The following SLC44A5 variants were observed in gnomAD, a reference collection of about 807,000 sequenced individuals.
SLC44A5 encodes choline transporter-like protein 5.
Under a neutral mutation model 101.8 loss-of-function variants are expected in SLC44A5, and 57 were observed. That is an observed-to-expected ratio of 0.56 (90% CI 0.45 to 0.70). The LOEUF is 0.70. Among genes scored for constraint, SLC44A5 ranks in the 30% least tolerant of loss-of-function variants. The probability of loss-of-function intolerance (pLI) is 0.00; values close to 1 mark genes in which losing one functional copy is unlikely to be tolerated. For missense variants in SLC44A5, 737 were observed against 853.1 expected (o/e 0.86, Z 1.70); for synonymous variants, 281 against 290.9 (o/e 0.97, Z 0.35).
chr1:75,652,241 T>G, the SLC44A5 span, among the ~76,000 whole-genome samples: 25 of 152,196 alleles, frequency 1.6e-4, no homozygotes, highest in African/African-American at 5.1e-4. Flanking sequence ...TGGAAGATCC[T>G]GGATGTACAC....
chr1:75,451,742 G>T (rs996845652), intron 2 of SLC44A5, among the ~76,000 whole-genome samples: 2 of 151,894 alleles, frequency 1.3e-5, no homozygotes, highest in Non-Finnish European at 2.9e-5. Flanking sequence ...CCAAGAAAAA[G>T]AAATAATTAT....
intron 1 of SLC44A5, among the ~76,000 whole-genome samples, chr1:75,609,298 T>C (rs1196342479): frequency 6.6e-6 from 1 of 151,706 alleles, no homozygotes; most frequent in Non-Finnish European, 1.5e-5. Context: ...GGGTTTCATT[T>C]CTTTGGGTTT....
chr1:75,405,166 A>T (rs552318113), intron 2 of SLC44A5, among the ~76,000 whole-genome samples: 14 of 152,326 alleles, frequency 9.2e-5, no homozygotes, highest in Non-Finnish European at 1.8e-4. Context: ...ATATATATGC[A>T]CCCAATACAG....
chr1:75,645,197 G>C, the SLC44A5 span, among the ~76,000 whole-genome samples: 1 of 152,082 alleles, frequency 6.6e-6, no homozygotes, highest in Non-Finnish European at 1.5e-5. Flanking sequence ...CTGAGGAATC[G>C]CCACACTGTC....
At chr1:75,586,918 A>T (rs1219097008) in intron 1 of SLC44A5, among the ~76,000 whole-genome samples, 1 of 140,266 alleles carries the variant, frequency 7.1e-6, no homozygotes, top group Non-Finnish European at 1.6e-5. Flanking sequence ...TTTTTTTTTT[A>T]AGTCTTATGA....
intron 3 of SLC44A5, among the ~76,000 whole-genome samples, chr1:75,363,215 A>G (rs1019571393): frequency 1.6e-4 from 25 of 152,012 alleles, no homozygotes; most frequent in African/African-American, 6.0e-4. Context: ...AGTCTCTTGT[A>G]GGCAGTATAG....
At chr1:75,692,453 C>T in the SLC44A5 span, among the ~76,000 whole-genome samples, 1 of 152,074 alleles carries the variant, frequency 6.6e-6, no homozygotes, top group East Asian at 1.9e-4. Context: ...CCTCAGCCTC[C>T]CAAAGTGCTG....
chr1:75,438,957 A>C (rs1177810720), intron 2 of SLC44A5, among the ~76,000 whole-genome samples: 1 of 152,122 alleles, frequency 6.6e-6, no homozygotes, highest in Non-Finnish European at 1.5e-5. Context: ...GAAATAATAC[A>C]TGAAAGCACA....
At chr1:75,506,194 T>C (rs1214490087) in intron 2 of SLC44A5, among the ~76,000 whole-genome samples, 1 of 152,180 alleles carries the variant, frequency 6.6e-6, no homozygotes, top group African/African-American at 2.4e-5. Context: ...TTCTCTCTTC[T>C]GTTCCATTGG....
At chr1:75,393,101 C>G (rs991966817) in intron 3 of SLC44A5, among the ~76,000 whole-genome samples, 1 of 152,072 alleles carries the variant, frequency 6.6e-6, no homozygotes, top group Non-Finnish European at 1.5e-5. Flanking sequence ...TATCCCAAAC[C>G]CTCACGTCAT....
chr1:75,220,944 G>A (rs1647065763), intron 14 of SLC44A5, among the ~76,000 whole-genome samples: 1 of 152,028 alleles, frequency 6.6e-6, no homozygotes, highest in Non-Finnish European at 1.5e-5. Flanking sequence ...ATTACCCCCT[G>A]AGCAAACTAC....
intron 2 of SLC44A5, among the ~76,000 whole-genome samples, chr1:75,472,990 T>C (rs1278958226): frequency 6.6e-6 from 1 of 152,226 alleles, no homozygotes; most frequent in Non-Finnish European, 1.5e-5. Flanking sequence ...GGTAACTGGC[T>C]ATAAAACTGT....
chr1:75,498,789 CAT>C (rs1356831684), intron 2 of SLC44A5, among the ~76,000 whole-genome samples: 1 of 152,090 alleles, frequency 6.6e-6, no homozygotes, highest in Non-Finnish European at 1.5e-5. Flanking sequence ...TGAGAGAACT[CAT>C]AGATCATAAG....
upstream of SLC44A5, chr1:75,611,142 C>T: frequency 1.0e-6 from 1 of 972,562 alleles, no homozygotes; most frequent in Non-Finnish European, 1.2e-6. Flanking sequence ...GTCATAAACA[C>T]ATTGTGTTCC....
chr1:75,587,783 C>T (rs541852010), intron 1 of SLC44A5, among the ~76,000 whole-genome samples: 15 of 152,148 alleles, frequency 9.9e-5, no homozygotes, highest in Non-Finnish European at 1.9e-4. Flanking sequence ...TGTGACCTTC[C>T]CTTTTTCCTT....
At chr1:75,404,715 A>C (rs567751481) in intron 2 of SLC44A5, among the ~76,000 whole-genome samples, 27 of 152,384 alleles carry the variant, frequency 1.8e-4, no homozygotes, top group African/African-American at 6.3e-4. Context: ...TATGGAAAGG[A>C]AAAACCAGTA....
In SLC44A5 at chr1:75,269,569, T is replaced by C. The variant is rs1651284773; in HGVS notation, c.260+5389A>G. 2.0e-5 allele frequency among the ~76,000 whole-genome samples: 3 copies of C among 152,162 alleles called. No individual in the cohort carries two copies. In the South Asian group the frequency reaches 6.2e-4, roughly 32 times the overall value. ...AAAATCATCAATGCTTTAGTGTTTA[T>C]TTTGGTATAAGATATGAGATAAACA... On this transcript the variant is annotated intron_variant, in intron 6 of 23. Transcript: ENST00000370859.
intron 1 of SLC44A5, among the ~76,000 whole-genome samples, chr1:75,553,325 A>AT (rs1223532327): frequency 2.0e-5 from 3 of 152,044 alleles, no homozygotes; most frequent in East Asian, 3.9e-4. Context: ...ATATTACTAA[A>AT]TTTTTTCATT....
At chr1:75,693,263 G>C in the SLC44A5 span, among the ~76,000 whole-genome samples, 1 of 152,306 alleles carries the variant, frequency 6.6e-6, no homozygotes, top group African/African-American at 2.4e-5. Context: ...CCATCTGATA[G>C]CAGTTTTCAG....
Sources: gnomAD v4.1 joint callset for allele counts (sites outside exome capture counted in the v4.1 genomes callset) on GRCh38, gnomAD v4.1.1 for gene constraint, MANE v1.5 for transcripts, NCBI Gene and HGNC (gene_info 2026-07-23, HGNC 2026-07-21) for gene names.